NELL1: variants seen among roughly 807,000 people sequenced by gnomAD.
NELL1 encodes the protein protein kinase C-binding protein NELL1.
Under a neutral mutation model 107.4 loss-of-function variants are expected in NELL1, and 76 were observed. The ratio of observed to expected loss-of-function variants is 0.71; its 90% CI spans 0.59 to 0.86. The LOEUF is 0.86. NELL1 is among the 40% of genes least tolerant of loss of function. The pLI is 0.00. For missense variants in NELL1, 1,024 were observed against 1,005.5 expected, an observed-to-expected ratio of 1.02 and a Z score of -0.25; for synonymous variants, 353 against 341.2, an observed-to-expected ratio of 1.03 and a Z score of -0.38.
At chr11:21,305,580 G>A (rs772307851) in intron 14 of NELL1, among the ~76,000 whole-genome samples, 3 of 151,778 alleles carry the variant, frequency 2.0e-5, no homozygotes, top group Non-Finnish European at 2.9e-5. Flanking sequence ...GCTACAAGGC[G>A]ATGTTGTGAA....
intron 9 of NELL1, among the ~76,000 whole-genome samples, chr11:20,937,120 T>C (rs1247775332): frequency 6.6e-6 from 1 of 152,198 alleles, no homozygotes; most frequent in Non-Finnish European, 1.5e-5. Context: ...AGTCAAGAAA[T>C]GAGTTTCAGT....
Position 20,980,025 on chromosome 11 carries a change from T to C in NELL1, c.1300+19465T>C, listed in dbSNP as rs76766950. ...GCACTTAGTATTGTACATGGTACAT[T>C]GGTCAGGATGCATTTTTCTAAATAC... On this transcript the variant is annotated intron_variant, in intron 12 of 19. Transcript: ENST00000357134. Among the ~76,000 whole-genome samples the C allele has an allele frequency of 3.8e-3, 573 of 152,342 alleles. 7 individuals carry two copies. Among genetic ancestry groups the C allele is most frequent in the African/African-American group, 0.013 (538 of 41,582 alleles).
At chr11:21,434,201 C>T (rs1853044273) in intron 15 of NELL1, among the ~76,000 whole-genome samples, 1 of 152,044 alleles carries the variant, frequency 6.6e-6, no homozygotes, top group African/African-American at 2.4e-5. Context: ...ATTGATATAG[C>T]CCCATTTGCC....
chr11:21,218,507 A>G (rs1229785761), intron 13 of NELL1, among the ~76,000 whole-genome samples: 3 of 152,102 alleles, frequency 2.0e-5, no homozygotes, highest in Non-Finnish European at 2.9e-5. Context: ...TCAAAATTCT[A>G]TTTTCCAGTA....
chr11:20,942,372 G>A (rs80058464), intron 10 of NELL1, among the ~76,000 whole-genome samples: 9,254 of 152,182 alleles, frequency 0.061, 378 homozygotes, highest in East Asian at 0.19. Context: ...AGTGGGTACT[G>A]GGTGTAGGGG....
chr11:21,381,904 A>ATTTTTTTTTTTTTTTTTT (rs149327802), intron 15 of NELL1, among the ~76,000 whole-genome samples: 9 of 91,376 alleles, frequency 9.8e-5, no homozygotes, highest in African/African-American at 1.3e-4. Context: ...CCTGGAAGGG[A>ATTTTTTTTTTTTTTTTTT]TTTTTTTTTT....
At chr11:20,888,684 C>T (rs1457682366) in intron 5 of NELL1, among the ~76,000 whole-genome samples, 2 of 152,074 alleles carry the variant, frequency 1.3e-5, no homozygotes, top group Non-Finnish European at 2.9e-5. Flanking sequence ...TCAGAACAGC[C>T]ATTTTATTTA....
At chr11:21,067,743 C>T (rs10833451) in intron 12 of NELL1, among the ~76,000 whole-genome samples, 1 of 151,808 alleles carries the variant, frequency 6.6e-6, no homozygotes, top group Admixed American at 6.6e-5. Flanking sequence ...GTTTAGAACT[C>T]TATTCTAGGC....
intron 11 of NELL1, among the ~76,000 whole-genome samples, chr11:20,955,133 C>T (rs1360467138): frequency 3.9e-5 from 6 of 152,154 alleles, no homozygotes; most frequent in Admixed American, 3.3e-4. Flanking sequence ...CCTAAAAGTA[C>T]CCCTTTGGTA....
intron 13 of NELL1, among the ~76,000 whole-genome samples, chr11:21,156,809 T>G (rs898651939): frequency 3.9e-5 from 6 of 151,946 alleles, no homozygotes; most frequent in Admixed American, 3.9e-4. Flanking sequence ...TATACCAAAT[T>G]AGGCCAGATG....
chr11:20,717,044 C>G (rs1005472556), intron 2 of NELL1, among the ~76,000 whole-genome samples: 1 of 152,186 alleles, frequency 6.6e-6, no homozygotes, highest in Non-Finnish European at 1.5e-5. Context: ...TTGATGAAAA[C>G]TTGGCTTGGT....
At chr11:21,182,878 T>C (rs951387533) in intron 13 of NELL1, among the ~76,000 whole-genome samples, 13 of 151,838 alleles carry the variant, frequency 8.6e-5, no homozygotes, top group Non-Finnish European at 1.8e-4. Flanking sequence ...GTACTGCTAC[T>C]GGAAAGAAAA....
At chr11:20,998,521 C>T (rs1852141756) in intron 12 of NELL1, among the ~76,000 whole-genome samples, 1 of 152,082 alleles carries the variant, frequency 6.6e-6, no homozygotes, top group African/African-American at 2.4e-5. Context: ...TATAAATAGT[C>T]CTACACCATC....
intron 11 of NELL1, among the ~76,000 whole-genome samples, chr11:20,957,269 G>A (rs561980034): frequency 6.6e-6 from 1 of 152,258 alleles, no homozygotes; most frequent in African/African-American, 2.4e-5. Flanking sequence ...TCTAGATGGA[G>A]GTCTAGAGGA....
chr11:21,191,079 C>T (rs1213988769), intron 13 of NELL1, among the ~76,000 whole-genome samples: 1 of 151,850 alleles, frequency 6.6e-6, no homozygotes, highest in Non-Finnish European at 1.5e-5. Context: ...CTATGTGTTA[C>T]TGTGGTAGGC....
At chr11:20,815,714 A>G (rs928334451) in intron 3 of NELL1, among the ~76,000 whole-genome samples, 1 of 152,176 alleles carries the variant, frequency 6.6e-6, no homozygotes, top group African/African-American at 2.4e-5. Flanking sequence ...GGTCTTAGCC[A>G]TAAATTCTTT....
intron 14 of NELL1, among the ~76,000 whole-genome samples, chr11:21,300,256 C>T (rs1183469040): frequency 6.6e-6 from 1 of 151,892 alleles, no homozygotes; most frequent in African/African-American, 2.4e-5. Context: ...AAAGGCAAAG[C>T]TGTGAGTCAG....
chr11:21,127,961 A>AT (rs1039714709), intron 13 of NELL1, among the ~76,000 whole-genome samples: 67 of 151,876 alleles, frequency 4.4e-4, no homozygotes, highest in African/African-American at 1.4e-3. Flanking sequence ...AGATGCATGC[A>AT]TTTTTTTTCT....
chr11:21,526,538 T>C (rs1855860351), intron 15 of NELL1, among the ~76,000 whole-genome samples: 1 of 152,210 alleles, frequency 6.6e-6, no homozygotes, highest in Non-Finnish European at 1.5e-5. Flanking sequence ...TTTCCTTTTT[T>C]ACTGCCCTAG....
Sources: allele counts gnomAD v4.1 joint callset (sites outside exome capture counted in the v4.1 genomes callset), GRCh38; gene constraint gnomAD v4.1.1; transcripts MANE v1.5; gene names NCBI Gene and HGNC (gene_info 2026-07-23, HGNC 2026-07-21).